Variants in LPIN1 observed in about 807,000 individuals in gnomAD.
LPIN1 encodes the protein phosphatidate phosphatase LPIN1.
LPIN1 carries 71 observed loss-of-function variants against 107.5 expected under a neutral mutation model. That is an observed-to-expected ratio of 0.66 (90% CI 0.55 to 0.80). LPIN1 has a LOEUF of 0.80. LPIN1 is among the 30% of genes least tolerant of loss of function. The probability of loss-of-function intolerance (pLI) is 0.00; values close to 1 mark genes in which losing one functional copy is unlikely to be tolerated. For synonymous variants in LPIN1, 445 were observed against 452.6 expected (o/e 0.98, Z 0.21); for missense variants, 1,043 against 1,160.6 (o/e 0.90, Z 1.47).
chr2:11,745,674 C>A (rs1047990610), upstream of LPIN1, among the ~76,000 whole-genome samples: 2 of 152,204 alleles, frequency 1.3e-5, no homozygotes, highest in Non-Finnish European at 2.9e-5. Context: ...TGTGCCACTG[C>A]ACTGTAGCTT....
intron 1 of LPIN1, among the ~76,000 whole-genome samples, chr2:11,747,266 C>G (rs1208632722): frequency 6.6e-6 from 1 of 152,214 alleles, no homozygotes; most frequent in Non-Finnish European, 1.5e-5. Context: ...GAGGCCTCTG[C>G]ACCTTTCTTG....
At chr2:11,756,470 C>A (rs1465229550) in intron 1 of LPIN1, among the ~76,000 whole-genome samples, 1 of 152,090 alleles carries the variant, frequency 6.6e-6, no homozygotes, top group East Asian at 1.9e-4. Flanking sequence ...CCCATTGCAA[C>A]CTCTGCCTCC....
chr2:11,782,122 C>A, intron 7 of LPIN1, 79 bp from the exon 8 acceptor site: 1 of 1,079,020 alleles, frequency 9.3e-7, no homozygotes. Flanking sequence ...TACTTGTTCT[C>A]CTTGGGTCAC....
chr2:11,724,451 C>A, exon 1 of LPIN1: 1 of 985,862 alleles, frequency 1.0e-6, no homozygotes, highest in Non-Finnish European at 1.2e-6. Flanking sequence ...GCCAGCCATG[C>A]CTGTCCTAAC....
At chr2:11,784,485 C>T (rs887834767) in intron 9 of LPIN1, among the ~76,000 whole-genome samples, 2 of 152,146 alleles carry the variant, frequency 1.3e-5, no homozygotes, top group East Asian at 3.9e-4. Context: ...CCACAGTGGT[C>T]GTGGTCCACA....
intron 14 of LPIN1, among the ~76,000 whole-genome samples, chr2:11,800,946 T>C (rs764326260): frequency 1.3e-5 from 2 of 152,206 alleles, no homozygotes; most frequent in Non-Finnish European, 2.9e-5. Context: ...GGGTTGTCTC[T>C]TCGCTCTGTT....
chr2:11,773,719 G>A lies in LPIN1; in HGVS notation c.696G>A (p.Ser232=), dbSNP rs145180224. The part of the protein sequence containing the change: ...IYPQSASYPN[S]DREWSPTPSS... ...CTCAGTCAGCCTCATACCCTAATTC[G>A]GATAGAGAGTGGTCACCCACTCCCA... is the stretch of plus-strand genomic sequence containing the variant. Residue 232 remains serine, a synonymous_variant, in exon 5 of 21, where the codon TCG becomes TCA. Transcript: ENST00000674199. 6.8e-6 allele frequency: 11 copies of A among 1,613,796 alleles called. No individual in the cohort carries two copies. Among genetic ancestry groups the A allele is most frequent in the Middle Eastern group, 3.3e-4 (2 of 6,078 alleles).
chr2:11,812,147 G>A (rs1679777068), intron 17 of LPIN1, among the ~76,000 whole-genome samples: 1 of 152,142 alleles, frequency 6.6e-6, no homozygotes, highest in African/African-American at 2.4e-5. Context: ...AAATCCATTG[G>A]CCATTATAAA....
At chr2:11,734,366 G>A (rs1221521016) in intron 1 of LPIN1, among the ~76,000 whole-genome samples, 1 of 152,200 alleles carries the variant, frequency 6.6e-6, no homozygotes, top group African/African-American at 2.4e-5. Flanking sequence ...TAATAATAAC[G>A]TGACAGAGAG....
intron 1 of LPIN1, among the ~76,000 whole-genome samples, chr2:11,754,525 T>C (rs935960578): frequency 2.6e-5 from 4 of 152,208 alleles, no homozygotes; most frequent in African/African-American, 4.8e-5. Context: ...GACTTTACCT[T>C]CTGAGAGGCT....
intron 13 of LPIN1, 109 bp from the exon 14 acceptor site, chr2:11,795,299 G>T (rs1177806382): frequency 7.9e-6 from 7 of 882,890 alleles, no homozygotes; most frequent in Non-Finnish European, 1.3e-5. Context: ...ATTGGGGAAT[G>T]GTCTATCTTT....
intron 1 of LPIN1, among the ~76,000 whole-genome samples, chr2:11,738,142 A>G (rs62113300): frequency 0.21 from 32,574 of 151,644 alleles, 4,632 homozygotes; most frequent in African/African-American, 0.4. Context: ...GGAACGGAAA[A>G]CCAAACACCG....
intron 3 of LPIN1, among the ~76,000 whole-genome samples, chr2:11,768,121 T>C (rs1016852589): frequency 2.0e-5 from 3 of 152,210 alleles, no homozygotes; most frequent in Admixed American, 6.5e-5. Flanking sequence ...ACTTCACACA[T>C]GGGCCTGGAC....
chr2:11,806,417 A>G (rs934144426), intron 17 of LPIN1, among the ~76,000 whole-genome samples: 2 of 152,090 alleles, frequency 1.3e-5, no homozygotes, highest in Non-Finnish European at 2.9e-5. Flanking sequence ...CGGCTTGGAG[A>G]GAGAACCTTA....
rs1233889489 is a variant in LPIN1 at position 11,803,254 on chromosome 2, C to T, written c.2013+221C>T. On this transcript the variant is annotated intron_variant, in intron 15 of 20. Coordinates refer to ENST00000674199, the MANE Select transcript of LPIN1 (RefSeq NM_001349206.2). This position sits in a 1 kb window ranked among gnomAD's most constrained non-coding sequence, Gnocchi z 4.2. The stretch of plus-strand genomic sequence containing the variant: ...GCCTTTTGTCTTCTCCTTTTGCTGG[C>T]CTGGCCCTGGAGGATCTAGTTTACT... Among the ~76,000 whole-genome samples the T allele has an allele frequency of 6.6e-6, 1 of 152,184 alleles. No homozygotes were observed. Among genetic ancestry groups the T allele is most frequent in the Non-Finnish European group, 1.5e-5 (1 of 68,030 alleles).
intron 17 of LPIN1, 118 bp downstream of exon 17, chr2:11,805,274 AC>A: frequency 1.2e-6 from 1 of 815,688 alleles, no homozygotes; most frequent in Non-Finnish European, 2.1e-6. Context: ...CTGCACCTCA[AC>A]CAGGGAGGGG....
At chr2:11,693,815 TATATA>T (rs1227019788) in intron 1 of LPIN1, among the ~76,000 whole-genome samples, 1,299 of 35,492 alleles carry the variant, frequency 0.037, 36 homozygotes, top group Non-Finnish European at 0.063. Flanking sequence ...TATATATATA[TATATA>T]TATTTTTTTT....
At position 11,736,153 on chromosome 2, in the gene LPIN1, G is replaced by C. The variant is rs952080534; in HGVS notation, c.-71-5196G>C. ...TGAGCACTGGGGTGCCTTCAGTCTA[G>C]GTTGATTCTGTGGATTTGAAACCAA... On this transcript the variant is annotated intron_variant, in intron 1 of 21. Coordinates refer to the LPIN1 transcript ENST00000396097. 5.9e-5 allele frequency among the ~76,000 whole-genome samples: 9 copies of C among 152,240 alleles called. 1 individual carries two copies. The highest frequency in any genetic ancestry group is 1.5e-5 in the Non-Finnish European group (1 of 68,052).
intron 6 of LPIN1, chr2:11,777,232 A>C (rs945826416): frequency 6.6e-6 from 1 of 152,140 alleles, no homozygotes; most frequent in Non-Finnish European, 1.5e-5. Context: ...GAATTCCCTC[A>C]GTGACGGTCG....
Sources: gnomAD v4.1 joint callset for allele counts (sites outside exome capture counted in the v4.1 genomes callset) on GRCh38, gnomAD v4.1.1 for gene constraint, Gnocchi (gnomAD v3.1) non-coding constraint, MANE v1.5 for transcripts, NCBI Gene and HGNC (gene_info 2026-07-23, HGNC 2026-07-21) for gene names.